Variants in KTN1 observed in about 807,000 individuals in gnomAD.
KTN1 encodes kinectin 1.
A neutral mutation model predicts 222.5 loss-of-function variants in KTN1; 130 were observed. The ratio of observed to expected loss-of-function variants is 0.58; its 90% CI spans 0.51 to 0.68. KTN1 has a LOEUF of 0.68. Ranked by LOEUF, KTN1 falls within the 30% of genes least tolerant of loss-of-function variation. The pLI, the probability that KTN1 is intolerant of heterozygous loss-of-function variation, is 0.00. For synonymous variants in KTN1, 512 were observed against 496.3 expected (o/e 1.03, Z -0.42); for missense variants, 1,508 against 1,500.4 (o/e 1.01, Z -0.08).
Position 55,652,926 on chromosome 14 carries a change from G to T in KTN1, c.2680G>T (p.Gly894Trp), listed in dbSNP as rs200009070. Residue 894 changes from glycine (G) to tryptophan (W), a missense_variant, in exon 26 of 44, where the codon GGG becomes TGG. Gly to Trp is a radical substitution (Grantham distance 184). Transcript: ENST00000395314. ...GAAAGAGAAAGACCTAGCCAATACA[G>T]GGAAGTGGTTACAGGTGAGAAATTA... The part of the protein sequence containing the change: ...EEKEKDLANT[G>W]KWLQDLQEEN... 15 of 1,610,490 alleles carry T rather than the reference G, an allele frequency of 9.3e-6. No individual in the cohort carries two copies. Among genetic ancestry groups the T allele is most frequent in the Middle Eastern group, 1.7e-4 (1 of 6,052 alleles).
At chr14:55,655,730 C>T (rs2043401771) in intron 28 of KTN1, among the ~76,000 whole-genome samples, 1 of 152,122 alleles carries the variant, frequency 6.6e-6, no homozygotes, top group Non-Finnish European at 1.5e-5. Context: ...GACTAAGATT[C>T]TTGGGGGCAA....
intron 1 of KTN1, among the ~76,000 whole-genome samples, chr14:55,608,038 T>C (rs1293180376): frequency 2.0e-5 from 3 of 152,250 alleles, no homozygotes; most frequent in Non-Finnish European, 4.4e-5. Context: ...TCAACAAACA[T>C]GTATTGAATT....
rs866433852 is a variant in KTN1, at chr14:55,612,310, GAT to G, written c.263_264del (p.Asp88GlyfsTer7). 1 of 1,613,896 alleles carries G rather than the reference GAT, an allele frequency of 6.2e-7. No homozygotes were observed. Among genetic ancestry groups the G allele is most frequent in the African/African-American group, 1.3e-5 (1 of 74,912 alleles). ...ESVPRDFKLS[D>X]ALAVEDDQVA... ...TGTACCTCGAGACTTTAAATTATCA[GAT>G]GCTTTGGCAGTAGAAGATGATCAAG... On this transcript the variant is annotated frameshift_variant, in exon 2 of 44. Coordinates refer to ENST00000395314, the MANE Select transcript of KTN1 (RefSeq NM_001079521.2). LOFTEE classifies it high-confidence loss of function.
At chr14:55,598,725 A>G (rs1260767427) in intron 1 of KTN1, among the ~76,000 whole-genome samples, 1 of 152,132 alleles carries the variant, frequency 6.6e-6, no homozygotes. Context: ...TTTGGCTTCT[A>G]TTGCTAAGTA....
chr14:55,646,486 TTTCCTTTCC>T (rs1566788670), intron 18 of KTN1, among the ~76,000 whole-genome samples: 61 of 99,722 alleles, frequency 6.1e-4, no homozygotes, highest in African/African-American at 1.4e-3. Flanking sequence ...TTTCCTTTCC[TTTCCTTTCC>T]TTTCCTTTCC....
At chr14:55,640,607 G>T (rs1029445267) in intron 15 of KTN1, among the ~76,000 whole-genome samples, 165 bp downstream of exon 15, 1 of 151,890 alleles carries the variant, frequency 6.6e-6, no homozygotes, top group African/African-American at 2.4e-5. Flanking sequence ...TGAAATAAAT[G>T]TTTGATCCAG....
intron 5 of KTN1, among the ~76,000 whole-genome samples, chr14:55,621,510 G>A (rs1337889025): frequency 6.6e-6 from 1 of 152,184 alleles, no homozygotes; most frequent in Non-Finnish European, 1.5e-5. Flanking sequence ...GGTAGAAGGT[G>A]AAAGGCATGT....
chr14:55,679,676 C>A lies in KTN1; in HGVS notation c.4060C>A (p.Gln1354Lys). Residue 1354 changes from glutamine to lysine, a missense_variant, in exon 43 of 44, where the codon CAG becomes AAG. By Grantham distance (53) the Gln-to-Lys change is moderately conservative (BLOSUM62 1). Coordinates refer to ENST00000395314, the MANE Select transcript of KTN1 (RefSeq NM_001079521.2). ...QQLTKEKEHY[Q>K]VLE ...GCTCACAAAGGAGAAAGAGCACTAC[C>A]AGGTGTTAGGTAAGGACAACTGAAA... is the stretch of plus-strand genomic sequence containing the variant. 6.2e-7 allele frequency: 1 copy of A among 1,613,740 alleles called. No homozygotes were observed. The highest frequency in any genetic ancestry group is 8.5e-7 in the Non-Finnish European group (1 of 1,179,772).
intron 32 of KTN1, chr14:55,663,174 A>T (rs1289013303): frequency 4.4e-6 from 1 of 227,962 alleles, no homozygotes; most frequent in Non-Finnish European, 9.1e-6. Flanking sequence ...ATTAAGTAAT[A>T]AATGGTGATT....
Position 55,670,784 on chromosome 14 carries a change from G to C in KTN1, c.3323G>C (p.Gly1108Ala). 1 of 1,610,084 alleles carries C rather than the reference G, an allele frequency of 6.2e-7. No homozygotes were observed. Among genetic ancestry groups the C allele is most frequent in the Non-Finnish European group, 8.5e-7 (1 of 1,177,334 alleles). Residue 1108 changes from glycine to alanine, a missense_variant, in exon 35 of 44, where the codon GGA becomes GCA. Transcript: ENST00000395314. The stretch of plus-strand genomic sequence containing the variant: ...AAAAAGGCAAAAGAATGTATGGCTG[G>C]AACTTCAGGGTCAGAGGAGGTTAAG... ...FEKKAKECMAGTSGSEEVKVL... is the reference protein window; with the variant it reads ...FEKKAKECMAATSGSEEVKVL...
Position 55,653,675 on chromosome 14 carries a change from G to T in KTN1, c.2801+79G>T, listed in dbSNP as rs2043167752. ...CCAGGGTGTGCTTGAATATAATGAT[G>T]AGTTTCCTGTACATCATTAACTTTA... is the stretch of plus-strand genomic sequence containing the variant. On this transcript the variant is annotated intron_variant, in intron 28 of 43. Coordinates refer to ENST00000395314, the MANE Select transcript of KTN1 (RefSeq NM_001079521.2). 3 of 1,037,910 alleles carry T rather than the reference G, an allele frequency of 2.9e-6. No homozygotes were observed. The South Asian group carries it at 4.1e-5, about 14-fold the overall frequency. The allele number at this position is 1,037,910 out of a possible 1,614,324, so 64.3% of individuals were successfully genotyped here.
intron 28 of KTN1, among the ~76,000 whole-genome samples, chr14:55,655,453 ACT>A (rs2043373039): frequency 2.6e-5 from 4 of 152,000 alleles, no homozygotes. Context: ...AATACTTGAG[ACT>A]CTATTATGTG....
intron 33 of KTN1, among the ~76,000 whole-genome samples, chr14:55,665,551 G>T (rs1229512306): frequency 6.6e-6 from 1 of 151,962 alleles, no homozygotes; most frequent in Non-Finnish European, 1.5e-5. Flanking sequence ...AAATTATGTT[G>T]TGATGAAAAG....
Position 55,670,813 on chromosome 14 carries a change from A to G in KTN1, c.3348+4A>G. 6.3e-7 allele frequency: 1 copy of G among 1,581,400 alleles called. No individual in the cohort carries two copies. The highest frequency in any genetic ancestry group is 8.6e-7 in the Non-Finnish European group (1 of 1,156,964). Reference sequence around the variant, plus strand: ...TTCAGGGTCAGAGGAGGTTAAGGTTAGTTCAGCAAATGAACTGTTTGTAAT... The same window carrying G: ...TTCAGGGTCAGAGGAGGTTAAGGTTGGTTCAGCAAATGAACTGTTTGTAAT... On this transcript the variant is annotated splice_donor_region_variant and intron_variant, in intron 35 of 43. Transcript: ENST00000395314.
At position 55,667,252 on chromosome 14, in the gene KTN1, A is replaced by G. The variant is rs201282068; in HGVS notation, c.3189A>G (p.Gln1063=). The change falls in exon 34 of 44, where the codon CAA becomes CAG. Residue 1063 remains glutamine (Q), a synonymous_variant. Coordinates refer to ENST00000395314, the MANE Select transcript of KTN1 (RefSeq NM_001079521.2). ...KVNKTSKERQ[Q]QVEAVELEAK... ...ATCTTCTGCTTTAGGAAAGGCAGCAACAGGTGGAAGCTGTTGAGTTGGAGG... is the reference window on the plus strand; with the variant it reads ...ATCTTCTGCTTTAGGAAAGGCAGCAGCAGGTGGAAGCTGTTGAGTTGGAGG... The G allele has an allele frequency of 1.3e-6, 2 of 1,599,000 alleles. No individual in the cohort carries two copies. The highest frequency in any genetic ancestry group is 1.7e-6 in the Non-Finnish European group (2 of 1,172,528).
chr14:55,644,227 T>C (rs2042071188), intron 18 of KTN1: 1 of 499,148 alleles, frequency 2.0e-6, no homozygotes, highest in East Asian at 3.0e-5. Flanking sequence ...TTAATTTCTG[T>C]CATTTCCACT....
At chr14:55,629,093 G>A (rs2040200634) in intron 6 of KTN1, among the ~76,000 whole-genome samples, 1 of 152,082 alleles carries the variant, frequency 6.6e-6, no homozygotes, top group Non-Finnish European at 1.5e-5. Flanking sequence ...TCATAGTACC[G>A]GCAAAACAAA....
intron 1 of KTN1, among the ~76,000 whole-genome samples, chr14:55,599,545 A>G (rs1010309703): frequency 4.0e-5 from 6 of 151,418 alleles, no homozygotes; most frequent in Non-Finnish European, 8.8e-5. Flanking sequence ...GCTCACTGCC[A>G]ACCTCTGCCG....
At chr14:55,591,463 A>C (rs1232458877) in intron 1 of KTN1, among the ~76,000 whole-genome samples, 1 of 152,142 alleles carries the variant, frequency 6.6e-6, no homozygotes, top group Non-Finnish European at 1.5e-5. Context: ...TCCTGTCACC[A>C]GTGTATATGT....
Sources: gnomAD v4.1 joint callset for allele counts (sites outside exome capture counted in the v4.1 genomes callset) on GRCh38, gnomAD v4.1.1 for gene constraint, MANE v1.5 for transcripts, NCBI Gene and HGNC (gene_info 2026-07-23, HGNC 2026-07-21) for gene names.